The following CRISPLD1 variants were observed in gnomAD, a reference collection of about 807,000 sequenced individuals.
CRISPLD1 encodes the protein cysteine rich secretory protein LCCL domain containing 1, also known as cysteine-rich secretory protein LCCL domain-containing 1.
Under a neutral mutation model 77.5 loss-of-function variants are expected in CRISPLD1, and 60 were observed. The observed-to-expected ratio is 0.77, with a 90% CI of 0.63 to 0.96. The LOEUF (loss-of-function observed/expected upper bound fraction) is 0.96, where lower values mean the gene tolerates loss of function less well. CRISPLD1 is among the 40% of genes least tolerant of loss of function. The pLI, the probability that CRISPLD1 is intolerant of heterozygous loss-of-function variation, is 0.00. For synonymous variants in CRISPLD1, 195 were observed against 200.1 expected, an observed-to-expected ratio of 0.97 and a Z score of 0.22; for missense variants, 623 against 615.8, an observed-to-expected ratio of 1.01 and a Z score of -0.12.
chr8:75,017,833 TTGA>T (rs1459041854), intron 10 of CRISPLD1, among the ~76,000 whole-genome samples: 1 of 152,194 alleles, frequency 6.6e-6, no homozygotes, highest in East Asian at 1.9e-4. Flanking sequence ...AGTAACTTTG[TTGA>T]TAAGATAAAT....
chr8:75,020,101 G>A (rs759121541), intron 12 of CRISPLD1, 22 bp downstream of exon 12: 2 of 1,597,252 alleles, frequency 1.3e-6, no homozygotes, highest in East Asian at 2.2e-5. Context: ...TACACATAGG[G>A]GGCTTTGGCC....
intron 12 of CRISPLD1, among the ~76,000 whole-genome samples, chr8:75,021,649 C>G (rs1022250704): frequency 2.0e-5 from 3 of 152,060 alleles, no homozygotes; most frequent in Admixed American, 6.5e-5. Flanking sequence ...TTATAAGGCT[C>G]ACATATTTGA....
intron 12 of CRISPLD1, among the ~76,000 whole-genome samples, chr8:75,021,615 A>G (rs1813137354): frequency 6.6e-6 from 1 of 152,190 alleles, no homozygotes; most frequent in African/African-American, 2.4e-5. Flanking sequence ...ATCTCCTGTT[A>G]CTAGAGCTTG....
intron 14 of CRISPLD1, among the ~76,000 whole-genome samples, chr8:75,031,728 G>C (rs1179658409): frequency 6.6e-6 from 1 of 151,932 alleles, no homozygotes; most frequent in Non-Finnish European, 1.5e-5. Flanking sequence ...TTTAAATTTT[G>C]TCAGACTTGG....
chr8:75,009,574 G>C (rs1452445339), intron 2 of CRISPLD1, among the ~76,000 whole-genome samples: 1 of 148,104 alleles, frequency 6.8e-6, no homozygotes, highest in Non-Finnish European at 1.5e-5. Flanking sequence ...TTGAATATGA[G>C]ATTGATATAT....
intron 2 of CRISPLD1, among the ~76,000 whole-genome samples, chr8:74,990,239 A>G (rs1038504839): frequency 3.3e-5 from 5 of 152,076 alleles, no homozygotes; most frequent in Admixed American, 6.5e-5. Context: ...TCACTACACA[A>G]TACATCAATG....
chr8:75,010,997 A>AT (rs1812919435), intron 2 of CRISPLD1, among the ~76,000 whole-genome samples: 1 of 151,220 alleles, frequency 6.6e-6, no homozygotes, highest in Non-Finnish European at 1.5e-5. Context: ...ACAACCATCT[A>AT]TTTCTCTTTC....
Position 75,029,463 on chromosome 8 carries a change from T to C in CRISPLD1, c.1397T>C (p.Val466Ala), listed in dbSNP as rs772651140. The stretch of plus-strand genomic sequence containing the variant: ...GGTGGTTATGTTGATGTAATGCCTG[T>C]GGACAAAAGAAAGACCTACATTGCT... ...NHGGYVDVMPVDKRKTYIASF... is the reference protein window; with the variant it reads ...NHGGYVDVMPADKRKTYIASF... The change falls in exon 14 of 15, where the codon GTG becomes GCG. Residue 466 changes from valine (V) to alanine (A), a missense_variant. Val to Ala is a moderately conservative substitution (Grantham distance 64). Coordinates refer to ENST00000262207, the MANE Select transcript of CRISPLD1 (RefSeq NM_031461.6). 2.3e-5 allele frequency: 37 copies of C among 1,613,774 alleles called. No individual in the cohort carries two copies. Among genetic ancestry groups the C allele is most frequent in the Non-Finnish European group, 2.7e-5 (32 of 1,179,838 alleles).
In CRISPLD1 at chr8:75,025,547, G is replaced by A. The variant is rs1162010371; in HGVS notation, c.1246G>A (p.Val416Ile). The part of the protein sequence containing the change: ...FHKPASHCPR[V>I]YCPRNCMQAN... ...TATATAATATATTATTTTTTTCAGA[G>A]TATACTGTCCTCGTAACTGTATGCA... Residue 416 changes from valine (V) to isoleucine (I), a missense_variant and splice_region_variant, in exon 13 of 15, where the codon GTA (valine) becomes ATA (isoleucine). By Grantham distance (29) the Val-to-Ile change is conservative (BLOSUM62 3). Transcript: ENST00000262207. The A allele has an allele frequency of 1.1e-5, 16 of 1,490,314 alleles. No individual in the cohort carries two copies. Among genetic ancestry groups the A allele is most frequent in the Non-Finnish European group, 1.5e-5 (16 of 1,083,324 alleles). 92.3% of individuals were successfully genotyped at this position (1,490,314 alleles called of 1,614,324 possible). A position where few individuals can be genotyped will look rare whatever the true frequency, so the allele number is the denominator to read the frequency against.
At chr8:74,987,675 A>T (rs72669290) in intron 2 of CRISPLD1, among the ~76,000 whole-genome samples, 6 of 152,254 alleles carry the variant, frequency 3.9e-5, no homozygotes, top group African/African-American at 1.2e-4. Context: ...GAAAAATTCT[A>T]TGACTTCTTC....
chr8:75,012,327 C>T, intron 2 of CRISPLD1, 106 bp from the exon 3 acceptor site: 1 of 725,190 alleles, frequency 1.4e-6, no homozygotes, highest in African/African-American at 1.8e-5. Flanking sequence ...ATGATGTTGA[C>T]TTTGTAAAGA....
chr8:75,023,808 G>A (rs1813184680), intron 12 of CRISPLD1, among the ~76,000 whole-genome samples: 1 of 152,110 alleles, frequency 6.6e-6, no homozygotes, highest in African/African-American at 2.4e-5. Context: ...GTGTGTGTGT[G>A]TGTGAATGCA....
Position 75,014,090 on chromosome 8 carries a change from A to G in CRISPLD1, c.614A>G (p.Asn205Ser). The change falls in exon 5 of 15, where the codon AAT becomes AGT. Residue 205 changes from asparagine to serine, a missense_variant. By Grantham distance (46) the Asn-to-Ser change is conservative. Transcript: ENST00000262207. ...IWPKAVYLVC[N>S]YSPKGNWWGH... ...CCCAAAGCTGTCTACCTGGTGTGCA[A>G]TTACTCCCCAAAGTGAGTAGACAAA... 3.1e-6 allele frequency: 5 copies of G among 1,605,948 alleles called. No homozygotes were observed. Among genetic ancestry groups the G allele is most frequent in the South Asian group, 1.1e-5 (1 of 90,910 alleles).
Position 75,012,414 on chromosome 8 carries a change from C to G in CRISPLD1, c.259-19C>G. On this transcript the variant is annotated intron_variant, in intron 2 of 14. Coordinates refer to ENST00000262207, the MANE Select transcript of CRISPLD1 (RefSeq NM_031461.6). ...CCAAATGCTACATGTGCACATTTTG[C>G]TTTTGTTTTAAACTGTAGACATGGG... 1 of 1,497,502 alleles carries G rather than the reference C, an allele frequency of 6.7e-7. No individual in the cohort carries two copies. Among genetic ancestry groups the G allele is most frequent in the Non-Finnish European group, 9.3e-7 (1 of 1,074,164 alleles). The allele number at this position is 1,497,502 out of a possible 1,614,324, so 92.8% of individuals were successfully genotyped here.
Position 74,996,664 on chromosome 8 carries a change from G to T in CRISPLD1, c.258+10419G>T, listed in dbSNP as rs189238718. On this transcript the variant is annotated intron_variant, in intron 2 of 14. Transcript: ENST00000262207. ...GGACTGAATTTTATTCCATAACAGG[G>T]TAAGTATTAGAAAATAAGGTAGACA... is the stretch of plus-strand genomic sequence containing the variant. 3.2e-3 allele frequency among the ~76,000 whole-genome samples: 485 copies of T among 150,174 alleles called. 2 individuals carry two copies. Among genetic ancestry groups the T allele is most frequent in the Middle Eastern group, 0.017 (5 of 286 alleles).
chr8:75,023,073 T>TA (rs397891797), intron 12 of CRISPLD1, among the ~76,000 whole-genome samples: 2,276 of 111,948 alleles, frequency 0.02, 48 homozygotes, highest in Admixed American at 0.068. Context: ...AAATTGTAGG[T>TA]AAAAAAAAAA....
chr8:74,997,800 A>G (rs1812668344), intron 2 of CRISPLD1, among the ~76,000 whole-genome samples: 1 of 152,174 alleles, frequency 6.6e-6, no homozygotes, highest in African/African-American at 2.4e-5. Context: ...TGAGAATGAG[A>G]TGAAGAAGGA....
Position 74,985,815 on chromosome 8 carries a change from A to G in CRISPLD1, c.-62-111A>G, listed in dbSNP as rs373525817. ...GTGAGTGTCCATTTTCTGCTGTTAA[A>G]TAGACAAATCAAACTGGCACACTTC... On this transcript the variant is annotated intron_variant, in intron 1 of 14. Coordinates refer to ENST00000262207, the MANE Select transcript of CRISPLD1 (RefSeq NM_031461.6). 26 of 731,678 alleles carry G rather than the reference A, an allele frequency of 3.6e-5. No individual in the cohort carries two copies. The East Asian group carries it at 4.0e-4, about 11-fold the overall frequency. The allele number at this position is 731,678 out of a possible 1,614,324, so 45.3% of individuals were successfully genotyped here.
At chr8:74,991,600 G>A (rs565705357) in intron 2 of CRISPLD1, among the ~76,000 whole-genome samples, 2 of 152,086 alleles carry the variant, frequency 1.3e-5, no homozygotes, top group South Asian at 2.1e-4. Flanking sequence ...GTACTGTCTC[G>A]GCTCACTGCA....
Sources: gnomAD v4.1 joint callset for allele counts (sites outside exome capture counted in the v4.1 genomes callset) on GRCh38, gnomAD v4.1.1 for gene constraint, MANE v1.5 for transcripts, NCBI Gene and HGNC (gene_info 2026-07-23, HGNC 2026-07-21) for gene names.